The following MARCHF1 variants were observed in gnomAD, a reference collection of about 807,000 sequenced individuals.
MARCHF1 encodes membrane associated ring-CH-type finger 1, also known as E3 ubiquitin-protein ligase MARCHF1.
Under a neutral mutation model 54.2 loss-of-function variants are expected in MARCHF1, and 40 were observed. The ratio of observed to expected loss-of-function variants is 0.74; its 90% CI spans 0.57 to 0.96. The LOEUF is 0.96. Ranked by LOEUF, MARCHF1 falls within the 40% of genes least tolerant of loss-of-function variation. The pLI, the probability that MARCHF1 is intolerant of heterozygous loss-of-function variation, is 0.00. For synonymous variants in MARCHF1, 236 were observed against 236.3 expected (o/e 1.00, Z 0.01); for missense variants, 586 against 656.5 (o/e 0.89, Z 1.17).
At chr4:163,674,345 GA>G (rs904124465) in intron 5 of MARCHF1, among the ~76,000 whole-genome samples, 2 of 151,926 alleles carry the variant, frequency 1.3e-5, no homozygotes, top group South Asian at 2.1e-4. Flanking sequence ...TTTAAAAAAA[GA>G]AAAAAAATGT....
intron 2 of MARCHF1, among the ~76,000 whole-genome samples, chr4:164,086,136 G>A (rs1755188449): frequency 6.6e-6 from 1 of 151,830 alleles, no homozygotes; most frequent in Admixed American, 6.6e-5. Flanking sequence ...AACATCATTA[G>A]CTCTGAGAAA....
chr4:164,201,258 TTG>T (rs1731445056), intron 1 of MARCHF1, among the ~76,000 whole-genome samples: 1 of 152,160 alleles, frequency 6.6e-6, no homozygotes, highest in African/African-American at 2.4e-5. Context: ...TCTCGCTCTG[TTG>T]CCAGGCTGGA....
chr4:164,273,791 G>A (rs573192562), intron 1 of MARCHF1, among the ~76,000 whole-genome samples: 1 of 152,224 alleles, frequency 6.6e-6, no homozygotes, highest in Non-Finnish European at 1.5e-5. Flanking sequence ...CTCCATTGGT[G>A]GTGTTTTTAA....
At chr4:163,961,242 T>C (rs1284864614) in intron 3 of MARCHF1, among the ~76,000 whole-genome samples, 3 of 151,972 alleles carry the variant, frequency 2.0e-5, no homozygotes, top group African/African-American at 4.8e-5. Context: ...ATCTATAGAA[T>C]AGCTGTCAAT....
chr4:164,209,106 A>C (rs975632871), intron 1 of MARCHF1, among the ~76,000 whole-genome samples: 5 of 151,872 alleles, frequency 3.3e-5, no homozygotes, highest in African/African-American at 1.2e-4. Context: ...TGAAAAAGTG[A>C]AACTGGTTGC....
At chr4:164,133,180 A>C (rs752951475) in intron 1 of MARCHF1, among the ~76,000 whole-genome samples, 1 of 152,228 alleles carries the variant, frequency 6.6e-6, no homozygotes, top group Non-Finnish European at 1.5e-5. Context: ...CTTTATAAGG[A>C]TAACTCGGCA....
chr4:163,998,323 T>C (rs986708499), intron 2 of MARCHF1, among the ~76,000 whole-genome samples: 1 of 151,430 alleles, frequency 6.6e-6, no homozygotes, highest in Non-Finnish European at 1.5e-5. Context: ...ATCATATAGA[T>C]CTTTCAATAC....
intron 2 of MARCHF1, among the ~76,000 whole-genome samples, chr4:164,091,646 G>A (rs927989537): frequency 6.6e-6 from 1 of 151,670 alleles, no homozygotes; most frequent in Non-Finnish European, 1.5e-5. Flanking sequence ...ATAAATAAAA[G>A]ATCACCTATC....
chr4:163,710,947 T>A (rs1745088641), intron 4 of MARCHF1, among the ~76,000 whole-genome samples: 1 of 152,190 alleles, frequency 6.6e-6, no homozygotes, highest in Admixed American at 6.5e-5. Context: ...TTATAAAGGA[T>A]GGTATATGGG....
intron 1 of MARCHF1, among the ~76,000 whole-genome samples, chr4:164,224,499 T>C (rs555892174): frequency 6.6e-6 from 1 of 151,970 alleles, no homozygotes; most frequent in Non-Finnish European, 1.5e-5. Context: ...TCCATCTACC[T>C]ACATCTCGCT....
At chr4:164,211,430 T>G (rs1321160680) in intron 1 of MARCHF1, among the ~76,000 whole-genome samples, 1 of 151,032 alleles carries the variant, frequency 6.6e-6, no homozygotes, top group Non-Finnish European at 1.5e-5. Flanking sequence ...CATAAATGCA[T>G]GCAATTATTA....
At chr4:164,326,001 C>T (rs1735271545) in intron 1 of MARCHF1, among the ~76,000 whole-genome samples, 1 of 152,178 alleles carries the variant, frequency 6.6e-6, no homozygotes, top group African/African-American at 2.4e-5. Context: ...ATGTCGATTC[C>T]AAAACTTTCA....
intron 8 of MARCHF1, among the ~76,000 whole-genome samples, chr4:163,547,675 A>T (rs1738955519): frequency 6.6e-6 from 1 of 152,190 alleles, no homozygotes; most frequent in African/African-American, 2.4e-5. Flanking sequence ...AATTAAATAG[A>T]TACTTCCTAG....
intron 3 of MARCHF1, among the ~76,000 whole-genome samples, chr4:163,981,497 A>G (rs1344703692): frequency 1.3e-5 from 2 of 152,178 alleles, no homozygotes; most frequent in African/African-American, 4.8e-5. Flanking sequence ...AGGGTCGCAG[A>G]GACAAGGAAG....
intron 2 of MARCHF1, among the ~76,000 whole-genome samples, chr4:164,083,535 G>A (rs1446307529): frequency 1.3e-5 from 2 of 152,122 alleles, no homozygotes; most frequent in South Asian, 4.1e-4. Context: ...GACAAAGAAA[G>A]CATGTTTCCT....
At chr4:164,325,333 T>TTATATATATATATATA (rs58385154) in intron 1 of MARCHF1, among the ~76,000 whole-genome samples, 4,172 of 137,890 alleles carry the variant, frequency 0.03, 95 homozygotes, top group East Asian at 0.05. Flanking sequence ...TAGACAGAAA[T>TTATATATATATATATA]TATATATATA....
Position 164,024,176 on chromosome 4 carries a change from C to A in MARCHF1, c.-247-35467G>T, listed in dbSNP as rs1230822175. 2.0e-5 allele frequency among the ~76,000 whole-genome samples: 3 copies of A among 152,024 alleles called. No individual in the cohort carries two copies. In the East Asian group the frequency reaches 5.8e-4, roughly 29 times the overall value. On this transcript the variant is annotated intron_variant, in intron 2 of 9. Transcript: ENST00000514618. ...TTTTAAATATTTTGGAGGGCATAGT[C>A]CATGAAAATTTTTCTGTTCTCACTA...
chr4:164,166,519 T>G (rs963035584), intron 1 of MARCHF1, among the ~76,000 whole-genome samples: 1 of 151,906 alleles, frequency 6.6e-6, no homozygotes, highest in African/African-American at 2.4e-5. Context: ...AGTTTATTTA[T>G]TAAAATCCCA....
chr4:163,719,480 G>A (rs542420907), intron 4 of MARCHF1, among the ~76,000 whole-genome samples: 51 of 152,138 alleles, frequency 3.4e-4, no homozygotes, highest in Non-Finnish European at 5.3e-4. Flanking sequence ...GAATACTGCC[G>A]CAATAAACAG....
Sources: gnomAD v4.1 joint callset for allele counts (sites outside exome capture counted in the v4.1 genomes callset) on GRCh38, gnomAD v4.1.1 for gene constraint, MANE v1.5 for transcripts, NCBI Gene and HGNC (gene_info 2026-07-23, HGNC 2026-07-21) for gene names.